SAMD12: variants seen among roughly 807,000 people sequenced by gnomAD.
SAMD12 encodes the protein sterile alpha motif domain containing 12.
A neutral mutation model predicts 15.0 loss-of-function variants in SAMD12; 9 were observed. The ratio of observed to expected loss-of-function variants is 0.60; its 90% CI spans 0.36 to 1.05. SAMD12 has a LOEUF of 1.05. Among genes scored for constraint, SAMD12 ranks in the 50% least tolerant of loss-of-function variants. The pLI, the probability that SAMD12 is intolerant of heterozygous loss-of-function variation, is 0.01. For synonymous variants in SAMD12, 86 were observed against 90.1 expected (o/e 0.96, Z 0.25); for missense variants, 230 against 234.2 (o/e 0.98, Z 0.12).
chr8:118,440,292 C>A (rs1452521825), intron 2 of SAMD12, among the ~76,000 whole-genome samples: 1 of 152,166 alleles, frequency 6.6e-6, no homozygotes, highest in African/African-American at 2.4e-5. Context: ...GGAGACACAG[C>A]TGGCCCCAAG....
In SAMD12 at chr8:118,355,427, C is replaced by T. The variant is rs544387622; in HGVS notation, c.433+24133G>A. Reference sequence around the variant, plus strand: ...AAGACTGGGTTCAGTGTACACTGCTCGGGTGATGGGTGGACTAAAATCTCA... The same window carrying T: ...AAGACTGGGTTCAGTGTACACTGCTTGGGTGATGGGTGGACTAAAATCTCA... On this transcript the variant is annotated intron_variant, in intron 4 of 4. Transcript: ENST00000409003. 3.9e-5 allele frequency among the ~76,000 whole-genome samples: 6 copies of T among 152,142 alleles called. No individual in the cohort carries two copies. In the East Asian group the frequency reaches 5.8e-4, roughly 15 times the overall value.
At chr8:118,506,026 T>C (rs771326119) in intron 2 of SAMD12, among the ~76,000 whole-genome samples, 2 of 152,162 alleles carry the variant, frequency 1.3e-5, no homozygotes, top group Non-Finnish European at 2.9e-5. Flanking sequence ...CTCTCTTGCT[T>C]ATTGCTCTAG....
chr8:118,315,960 G>C (rs1586505476), intron 4 of SAMD12, among the ~76,000 whole-genome samples: 1 of 152,148 alleles, frequency 6.6e-6, no homozygotes, highest in Non-Finnish European at 1.5e-5. Context: ...TCTTCTTTTT[G>C]ATGTGAATTA....
At chr8:118,207,687 TTTCTTC>T (rs375383874) in intron 4 of SAMD12, among the ~76,000 whole-genome samples, 1 of 152,166 alleles carries the variant, frequency 6.6e-6, no homozygotes, top group Non-Finnish European at 1.5e-5. Context: ...GTGAAGTTCC[TTTCTTC>T]TTCTTCTTCT....
chr8:118,607,355 C>A (rs972656054), intron 1 of SAMD12, among the ~76,000 whole-genome samples: 1 of 152,070 alleles, frequency 6.6e-6, no homozygotes, highest in Admixed American at 6.5e-5. Context: ...CCTGCCCCAG[C>A]CTCCCGAGTA....
chr8:118,508,270 T>C (rs1342009376), intron 2 of SAMD12, among the ~76,000 whole-genome samples: 1 of 151,718 alleles, frequency 6.6e-6, no homozygotes, highest in African/African-American at 2.4e-5. Context: ...TTAGGAGATA[T>C]ACCTAATGTA....
intron 4 of SAMD12, among the ~76,000 whole-genome samples, chr8:118,326,420 C>T (rs562486578): frequency 5.7e-4 from 86 of 152,066 alleles, no homozygotes; most frequent in African/African-American, 1.1e-3. Flanking sequence ...AAGTATATCC[C>T]GGGTTATACT....
intron 4 of SAMD12, among the ~76,000 whole-genome samples, chr8:118,290,365 GC>G (rs972747512): frequency 2.0e-5 from 3 of 152,130 alleles, no homozygotes; most frequent in Admixed American, 1.3e-4. Context: ...CTATACTCTA[GC>G]CTTGACTGTG....
chr8:118,328,693 G>C (rs1320828658), intron 4 of SAMD12, among the ~76,000 whole-genome samples: 1 of 152,006 alleles, frequency 6.6e-6, no homozygotes, highest in Non-Finnish European at 1.5e-5. Flanking sequence ...TTTGAATTTA[G>C]CTTTTGCCCT....
intron 3 of SAMD12, among the ~76,000 whole-genome samples, chr8:118,435,742 G>A (rs1822560114): frequency 6.6e-6 from 1 of 152,138 alleles, no homozygotes; most frequent in Admixed American, 6.5e-5. Flanking sequence ...CACTACTGAG[G>A]TTAAAGCGTA....
intron 2 of SAMD12, among the ~76,000 whole-genome samples, chr8:118,452,270 C>T (rs1236395020): frequency 6.6e-6 from 1 of 152,156 alleles, no homozygotes; most frequent in Admixed American, 6.5e-5. Flanking sequence ...GTGATTAACA[C>T]AGGAGCAAAC....
intron 2 of SAMD12, 25 bp downstream of exon 2, chr8:118,580,690 C>A: frequency 6.3e-7 from 1 of 1,580,392 alleles, no homozygotes; most frequent in Non-Finnish European, 8.7e-7. Flanking sequence ...TTCAAATCTC[C>A]GTAATTAACT....
chr8:118,247,375 A>G (rs1812720787), intron 4 of SAMD12, among the ~76,000 whole-genome samples: 1 of 152,080 alleles, frequency 6.6e-6, no homozygotes, highest in Admixed American at 6.6e-5. Flanking sequence ...AGTTAATAAT[A>G]ACATATTATG....
chr8:118,233,200 C>T (rs865964264), intron 4 of SAMD12, among the ~76,000 whole-genome samples: 3 of 152,232 alleles, frequency 2.0e-5, no homozygotes, highest in Admixed American at 6.5e-5. Context: ...TTGGCACCCA[C>T]AGTTAAGGCA....
chr8:118,545,653 G>C (rs1216026058), intron 2 of SAMD12, among the ~76,000 whole-genome samples: 1 of 152,072 alleles, frequency 6.6e-6, no homozygotes, highest in African/African-American at 2.4e-5. Context: ...ATGAACCCAA[G>C]ACATCATTAT....
At chr8:118,255,519 A>C (rs1586390422) in intron 4 of SAMD12, among the ~76,000 whole-genome samples, 2 of 79,746 alleles carry the variant, frequency 2.5e-5, no homozygotes, top group African/African-American at 5.1e-5. Flanking sequence ...CCCACCCCAC[A>C]ACAGTCCCCA....
At chr8:118,420,967 T>C (rs1054144299) in intron 3 of SAMD12, among the ~76,000 whole-genome samples, 8 of 152,094 alleles carry the variant, frequency 5.3e-5, no homozygotes, top group Admixed American at 5.2e-4. Flanking sequence ...AAACATGGAG[T>C]TTAGCAGTTG....
intron 2 of SAMD12, among the ~76,000 whole-genome samples, chr8:118,497,796 G>A (rs1262836409): frequency 1.4e-5 from 2 of 146,676 alleles, no homozygotes; most frequent in African/African-American, 5.2e-5. Flanking sequence ...TTTTAAAAAA[G>A]ATGCCATTTT....
intron 2 of SAMD12, among the ~76,000 whole-genome samples, chr8:118,513,400 A>G (rs1825140797): frequency 6.6e-6 from 1 of 152,246 alleles, no homozygotes; most frequent in African/African-American, 2.4e-5. Context: ...GCAAAGGCCA[A>G]CAGAGTACAT....
Sources: allele counts gnomAD v4.1 joint callset (sites outside exome capture counted in the v4.1 genomes callset), GRCh38; gene constraint gnomAD v4.1.1; transcripts MANE v1.5; gene names NCBI Gene and HGNC (gene_info 2026-07-23, HGNC 2026-07-21).